Variants in CHRM3 observed in about 807,000 individuals in gnomAD.
CHRM3 encodes the protein muscarinic acetylcholine receptor M3.
Under a neutral mutation model 41.8 loss-of-function variants are expected in CHRM3, and 11 were observed. That is an observed-to-expected ratio of 0.26 (90% CI 0.17 to 0.44). The LOEUF (loss-of-function observed/expected upper bound fraction) is 0.44. Ranked by LOEUF, CHRM3 falls within the 20% of genes least tolerant of loss-of-function variation. CHRM3 has a pLI of 1.00. For missense variants in CHRM3, 571 were observed against 745.4 expected (o/e 0.77, Z 2.72); for synonymous variants, 297 against 301.4 (o/e 0.99, Z 0.15).
chr1:239,519,937 C>T (rs1411243959), intron 2 of CHRM3, among the ~76,000 whole-genome samples: 1 of 151,800 alleles, frequency 6.6e-6, no homozygotes, highest in Non-Finnish European at 1.5e-5. Flanking sequence ...TTAGTAGAGA[C>T]GGGGTTTCCC....
chr1:239,524,512 C>T (rs1039782259), intron 2 of CHRM3, among the ~76,000 whole-genome samples: 30 of 151,858 alleles, frequency 2.0e-4, no homozygotes, highest in African/African-American at 6.8e-4. Context: ...ACATATGCAA[C>T]TAAAATTGGA....
chr1:239,495,050 G>A (rs535063298), intron 2 of CHRM3, among the ~76,000 whole-genome samples: 7 of 152,200 alleles, frequency 4.6e-5, no homozygotes, highest in African/African-American at 1.7e-4. Flanking sequence ...TCAGCACTCT[G>A]TTGTACATTT....
At chr1:239,404,406 A>G (rs202112854) in intron 1 of CHRM3, among the ~76,000 whole-genome samples, 6 of 53,958 alleles carry the variant, frequency 1.1e-4, no homozygotes, top group South Asian at 6.7e-4. Flanking sequence ...GAAAGAAAGA[A>G]AGAAAAAGAA....
intron 6 of CHRM3, among the ~76,000 whole-genome samples, chr1:239,903,547 A>G (rs1356035017): frequency 6.6e-6 from 1 of 152,162 alleles, no homozygotes; most frequent in Non-Finnish European, 1.5e-5. Context: ...AGGTGACAGA[A>G]AGTATCTCTG....
At chr1:239,695,976 G>A (rs1660146192) in intron 5 of CHRM3, among the ~76,000 whole-genome samples, 2 of 152,124 alleles carry the variant, frequency 1.3e-5, no homozygotes. Flanking sequence ...ATATATAGTA[G>A]CATTATCTCT....
chr1:239,652,610 T>G (rs1382742148), intron 4 of CHRM3, among the ~76,000 whole-genome samples: 2 of 151,718 alleles, frequency 1.3e-5, no homozygotes, highest in Admixed American at 1.3e-4. Context: ...CTTTTTTCTC[T>G]ATTTTCTCAA....
chr1:239,914,732 CAT>C lies in CHRM3; in HGVS notation c.*5510_*5511del, dbSNP rs1482647552. On this transcript the variant is annotated 3_prime_UTR_variant, in exon 7 of 7. Transcript: ENST00000676153. ...CTGGAGGGCCTGGAGAGTTCATAAACATAGTTTTCTGTGCAAGTGAAGATCTG... is the reference window on the plus strand; with the variant it reads ...CTGGAGGGCCTGGAGAGTTCATAAACAGTTTTCTGTGCAAGTGAAGATCTG... 6.0e-6 allele frequency: 1 copy of C among 167,042 alleles called. No individual in the cohort carries two copies. The highest frequency in any genetic ancestry group is 1.5e-5 in the Non-Finnish European group (1 of 68,120). The allele number at this position is 167,042 out of a possible 1,614,324, so 10.3% of individuals were successfully genotyped here.
At chr1:239,561,051 T>G (rs976944754) in intron 3 of CHRM3, among the ~76,000 whole-genome samples, 1 of 152,146 alleles carries the variant, frequency 6.6e-6, no homozygotes, top group Admixed American at 6.5e-5. Flanking sequence ...CACATCTGCC[T>G]CCTTCTTTGT....
chr1:239,705,578 T>C (rs971142482), intron 5 of CHRM3: 3 of 152,110 alleles, frequency 2.0e-5, no homozygotes, highest in Non-Finnish European at 2.9e-5. Context: ...CATATGGCGT[T>C]CTCCCCATGT....
chr1:239,618,588 T>C (rs543059248), intron 3 of CHRM3, among the ~76,000 whole-genome samples: 1 of 151,840 alleles, frequency 6.6e-6, no homozygotes, highest in Non-Finnish European at 1.5e-5. Flanking sequence ...CTCACGCCTG[T>C]AATCCCAGCA....
chr1:239,691,552 C>T (rs887917690), intron 5 of CHRM3, among the ~76,000 whole-genome samples: 1 of 152,116 alleles, frequency 6.6e-6, no homozygotes, highest in African/African-American at 2.4e-5. Flanking sequence ...CAAGCTGTTA[C>T]CTGAAGACAG....
At chr1:239,468,696 C>T (rs1028508461) in intron 1 of CHRM3, among the ~76,000 whole-genome samples, 6 of 152,114 alleles carry the variant, frequency 3.9e-5, no homozygotes, top group Non-Finnish European at 8.8e-5. Context: ...ATGATTTTCT[C>T]TTCAAATTTA....
intron 5 of CHRM3, among the ~76,000 whole-genome samples, chr1:239,682,451 C>A (rs1389090448): frequency 1.3e-5 from 2 of 152,088 alleles, no homozygotes; most frequent in African/African-American, 4.8e-5. Context: ...AAATTAAAAT[C>A]TCTGAAAAAT....
In CHRM3 at chr1:239,907,527, G is replaced by T. The variant is rs200014816; in HGVS notation, c.76G>T (p.Asp26Tyr). The T allele has an allele frequency of 1.2e-6, 2 of 1,614,088 alleles. No homozygotes were observed. The highest frequency in any genetic ancestry group is 2.2e-5 in the East Asian group (1 of 44,874). ...CTCCTCCTGGATACACAGCCCCTCC[G>T]ATGCAGGGCTGCCCCCGGGAACCGT... ...ISSSWIHSPS[D>Y]AGLPPGTVTH... is the part of the protein sequence containing the mutation. Residue 26 changes from aspartate to tyrosine, a missense_variant, in exon 7 of 7, where the codon GAT (aspartate) becomes TAT (tyrosine). By Grantham distance (160) the Asp-to-Tyr change is radical. Transcript: ENST00000676153. The surrounding 1 kb of genome is among the most constrained non-coding windows in gnomAD (Gnocchi z 5.4).
chr1:239,491,114 T>G (rs567344970), intron 1 of CHRM3, among the ~76,000 whole-genome samples: 1 of 152,198 alleles, frequency 6.6e-6, no homozygotes, highest in Non-Finnish European at 1.5e-5. Flanking sequence ...TCCATACATT[T>G]ATACAATGTG....
At chr1:239,407,462 G>A (rs1433726723) in intron 1 of CHRM3, among the ~76,000 whole-genome samples, 1 of 135,508 alleles carries the variant, frequency 7.4e-6, no homozygotes, top group Non-Finnish European at 1.7e-5. Flanking sequence ...CCAGTTTCTA[G>A]AACGCTATCT....
intron 3 of CHRM3, among the ~76,000 whole-genome samples, chr1:239,581,464 G>A (rs533947066): frequency 6.8e-6 from 1 of 147,966 alleles, no homozygotes; most frequent in Non-Finnish European, 1.5e-5. Flanking sequence ...GTGGGTGGGT[G>A]GGGGGGATGT....
At chr1:239,893,719 T>C (rs1235729110) in intron 6 of CHRM3, among the ~76,000 whole-genome samples, 1 of 133,062 alleles carries the variant, frequency 7.5e-6, no homozygotes, top group Non-Finnish European at 1.6e-5. Flanking sequence ...TCATGATGTT[T>C]GTCTTTGAAA....
intron 5 of CHRM3, among the ~76,000 whole-genome samples, chr1:239,744,001 G>C (rs1414287747): frequency 6.7e-6 from 1 of 148,570 alleles, no homozygotes; most frequent in African/African-American, 2.5e-5. Context: ...GTAGAGACAG[G>C]GTCTTGCTAT....
Sources: allele counts gnomAD v4.1 joint callset (sites outside exome capture counted in the v4.1 genomes callset), GRCh38; gene constraint gnomAD v4.1.1; non-coding constraint Gnocchi (gnomAD v3.1); transcripts MANE v1.5; gene names NCBI Gene and HGNC (gene_info 2026-07-23, HGNC 2026-07-21).